Variants in CFAP221 observed in about 807,000 individuals in gnomAD.
CFAP221 encodes cilia and flagella associated protein 221, also known as cilia- and flagella-associated protein 221.
In CFAP221, 97 loss-of-function variants were observed where a neutral mutation model predicts 113.1. That is an observed-to-expected ratio of 0.86 (90% CI 0.73 to 1.02). The LOEUF (loss-of-function observed/expected upper bound fraction) is 1.02. Ranked by LOEUF, CFAP221 falls within the 50% of genes least tolerant of loss-of-function variation. CFAP221 has a pLI of 0.00. For synonymous variants in CFAP221, 331 were observed against 354.4 expected, an observed-to-expected ratio of 0.93 and a Z score of 0.74; for missense variants, 1,025 against 1,013.4, an observed-to-expected ratio of 1.01 and a Z score of -0.16.
chr2:119,570,446 T>C (rs1681962541), intron 6 of CFAP221, among the ~76,000 whole-genome samples: 1 of 152,372 alleles, frequency 6.6e-6, no homozygotes, highest in South Asian at 2.1e-4. Context: ...TCTTTTTTAG[T>C]ATATGCAACT....
At chr2:119,618,458 A>G (rs781133386) in intron 14 of CFAP221, among the ~76,000 whole-genome samples, 19 of 152,142 alleles carry the variant, frequency 1.2e-4, no homozygotes, top group Non-Finnish European at 2.6e-4. Context: ...AGGGTGGAGC[A>G]TCACCTCACC....
intron 21 of CFAP221, among the ~76,000 whole-genome samples, chr2:119,642,673 G>A (rs1159376171): frequency 6.6e-6 from 1 of 151,334 alleles, no homozygotes; most frequent in Non-Finnish European, 1.5e-5. Context: ...CAAGTAGCTG[G>A]GATTATAGGT....
At chr2:119,586,256 G>A (rs10187631) in intron 6 of CFAP221, among the ~76,000 whole-genome samples, 38,293 of 151,976 alleles carry the variant, frequency 0.25, 5,923 homozygotes, top group African/African-American at 0.44. Context: ...TTGACTTCCT[G>A]CTGCTGCAAG....
intron 21 of CFAP221, among the ~76,000 whole-genome samples, chr2:119,641,344 A>G (rs909926591): frequency 1.3e-5 from 2 of 152,088 alleles, no homozygotes; most frequent in Non-Finnish European, 2.9e-5. Context: ...CAATTATTAT[A>G]CTTCATCCTT....
At chr2:119,590,073 CTTG>C (rs1240608514) in intron 7 of CFAP221, 1 of 152,140 alleles carries the variant, frequency 6.6e-6, no homozygotes, top group Non-Finnish European at 1.5e-5. Context: ...TGGACATTCC[CTTG>C]TTGTCACAAA....
chr2:119,601,349 G>A lies in CFAP221; in HGVS notation c.763G>A (p.Gly255Arg), dbSNP rs1006269406. The A allele has an allele frequency of 1.9e-5, 29 of 1,531,596 alleles. No homozygotes were observed. The highest frequency in any genetic ancestry group is 2.4e-5 in the East Asian group (1 of 40,844). The allele number at this position is 1,531,596 out of a possible 1,614,324, so 94.9% of individuals were successfully genotyped here. Residue 255 changes from glycine (G) to arginine (R), a missense_variant, in exon 8 of 24, where the codon GGA (glycine) becomes AGA (arginine). Gly to Arg is a moderately radical substitution (Grantham distance 125). Transcript: ENST00000413369. ...NSQPYECVFTGTCYPNMALPL... is the reference protein window; with the variant it reads ...NSQPYECVFTRTCYPNMALPL... ...TCAACCATACGAATGTGTCTTCACC[G>A]GAACATGCTATCCCAACATGGCCTT...
chr2:119,599,556 A>G (rs1479334959), intron 7 of CFAP221, among the ~76,000 whole-genome samples: 1 of 152,068 alleles, frequency 6.6e-6, no homozygotes, highest in Non-Finnish European at 1.5e-5. Context: ...AAATCTGGAG[A>G]GAGTTCTTCA....
At chr2:119,575,310 G>A (rs1047764104) in intron 6 of CFAP221, among the ~76,000 whole-genome samples, 15 of 152,154 alleles carry the variant, frequency 9.9e-5, no homozygotes, top group East Asian at 3.9e-4. Flanking sequence ...CCAGCTCGCC[G>A]TGTTCTCGGG....
chr2:119,630,495 A>G lies in CFAP221; in HGVS notation c.1732-75A>G, dbSNP rs370344165. ...ACTTTTACCACCAGGAAGCTCGGAA[A>G]TGCTGTTGTTGAGAAGTAGATCCCA... On this transcript the variant is annotated intron_variant, in intron 17 of 23. Transcript: ENST00000413369. 11 of 1,115,510 alleles carry G rather than the reference A, an allele frequency of 9.9e-6. No individual in the cohort carries two copies. In the East Asian group the frequency reaches 1.7e-4, roughly 17 times the overall value. The allele number at this position is 1,115,510 out of a possible 1,614,324, so 69.1% of individuals were successfully genotyped here. A position where few individuals can be genotyped will look rare whatever the true frequency, so the allele number is the denominator to read the frequency against.
chr2:119,627,914 A>C lies in CFAP221; in HGVS notation c.1650+128A>C, dbSNP rs74597215. The C allele has an allele frequency of 0.015, 18,962 of 1,306,434 alleles. 194 individuals are homozygous for C. The highest frequency in any genetic ancestry group is 0.018 in the Non-Finnish European group (17,222 of 945,812). The allele number at this position is 1,306,434 out of a possible 1,614,324, so 80.9% of individuals were successfully genotyped here. A position where few individuals can be genotyped will look rare whatever the true frequency, so the allele number is the denominator to read the frequency against. ...CCAGAGGCTCCAAAGGAAGATGAGG[A>C]GAGTATTACCAGTGGAAAACCAGGG... On this transcript the variant is annotated intron_variant, in intron 16 of 23. Coordinates refer to ENST00000413369, the MANE Select transcript of CFAP221 (RefSeq NM_001271049.2).
At chr2:119,647,097 C>A in intron 22 of CFAP221, 47 bp downstream of exon 22, 1 of 1,488,758 alleles carries the variant, frequency 6.7e-7, no homozygotes. Context: ...GGTCTGTTTT[C>A]CAAAAATATG....
chr2:119,624,786 C>T (rs940024790), intron 14 of CFAP221, among the ~76,000 whole-genome samples: 5 of 152,146 alleles, frequency 3.3e-5, no homozygotes, highest in East Asian at 3.9e-4. Context: ...AACCAAACAC[C>T]GCATGTTCTC....
chr2:119,611,542 A>G, intron 12 of CFAP221, 111 bp from the exon 13 acceptor site: 1 of 799,036 alleles, frequency 1.3e-6, no homozygotes, highest in Non-Finnish European at 2.0e-6. Flanking sequence ...TCCAATGGGA[A>G]CGTCGTGGGT....
At chr2:119,551,937 G>T (rs1680462036) in intron 3 of CFAP221, among the ~76,000 whole-genome samples, 1 of 152,126 alleles carries the variant, frequency 6.6e-6, no homozygotes, top group African/African-American at 2.4e-5. Flanking sequence ...ACCTGTGTGG[G>T]TTCTGAAGAG....
chr2:119,605,116 T>G (rs1244637067), intron 10 of CFAP221, 65 bp from the exon 11 acceptor site: 1 of 1,508,244 alleles, frequency 6.6e-7, no homozygotes, highest in Non-Finnish European at 9.2e-7. Flanking sequence ...TAGAAATGTG[T>G]TTTTCTCTCC....
chr2:119,566,369 C>G (rs750257462), intron 6 of CFAP221, among the ~76,000 whole-genome samples: 1 of 152,110 alleles, frequency 6.6e-6, no homozygotes, highest in Non-Finnish European at 1.5e-5. Flanking sequence ...TGGACTTGCT[C>G]CCGACCACCG....
At position 119,628,321 on chromosome 2, in the gene CFAP221, G is replaced by GTC. The variant is rs1324709100; in HGVS notation, c.1650+536_1650+537insCT. ...TGTGTGTGTGTGTGTGTGTGTGTGT[G>GTC]TGTGTGTGTGTGTATCTTTCTCTCT... On this transcript the variant is annotated intron_variant, in intron 16 of 23. Transcript: ENST00000413369. Among the ~76,000 whole-genome samples the GTC allele has an allele frequency of 9.9e-4, 150 of 152,014 alleles. 7 individuals are homozygous for GTC. Among genetic ancestry groups the GTC allele is most frequent in the Admixed American group, 9.8e-3 (149 of 15,272 alleles).
intron 23 of CFAP221, among the ~76,000 whole-genome samples, 157 bp downstream of exon 23, chr2:119,652,226 T>C (rs1206686971): frequency 1.3e-5 from 2 of 152,248 alleles, no homozygotes; most frequent in Non-Finnish European, 2.9e-5. Context: ...TATTTTATTT[T>C]AGGCACAATT....
intron 22 of CFAP221, 30 bp from the exon 23 acceptor site, chr2:119,651,944 G>T (rs1032326547): frequency 2.6e-6 from 4 of 1,511,700 alleles, no homozygotes; most frequent in Non-Finnish European, 2.7e-6. Flanking sequence ...AGGAAAAGCA[G>T]TGCCCACTAA....
Sources: allele counts gnomAD v4.1 joint callset (sites outside exome capture counted in the v4.1 genomes callset), GRCh38; gene constraint gnomAD v4.1.1; transcripts MANE v1.5; gene names NCBI Gene and HGNC (gene_info 2026-07-23, HGNC 2026-07-21).